DAB1: variants seen among roughly 807,000 people sequenced by gnomAD.
The protein encoded by DAB1 is DAB adaptor protein 1.
In DAB1, 15 loss-of-function variants were observed where a neutral mutation model predicts 64.6. That is an observed-to-expected ratio of 0.23 (90% confidence interval 0.16 to 0.36). The LOEUF is 0.36. DAB1 is among the 10% of genes least tolerant of loss of function. The pLI is 1.00. For missense variants in DAB1, 596 were observed against 706.7 expected (o/e 0.84, Z 1.78); for synonymous variants, 235 against 251.9 (o/e 0.93, Z 0.64).
intron 9 of DAB1, among the ~76,000 whole-genome samples, chr1:57,056,724 C>T (rs1221527702): frequency 4.0e-5 from 6 of 151,620 alleles, no homozygotes; most frequent in East Asian, 1.9e-4. Flanking sequence ...ATTAGCCAGG[C>T]GTAGTGGTGC....
intron 4 of DAB1, among the ~76,000 whole-genome samples, chr1:58,317,489 A>C (rs1388823701): frequency 7.2e-5 from 11 of 152,254 alleles, no homozygotes; most frequent in Non-Finnish European, 1.3e-4. Flanking sequence ...GAAGACAGAG[A>C]GATTCAACTG....
chr1:57,814,961 AG>A (rs1287518916), intron 6 of DAB1, among the ~76,000 whole-genome samples: 1 of 152,220 alleles, frequency 6.6e-6, no homozygotes, highest in Non-Finnish European at 1.5e-5. Context: ...ATGCTGTAGC[AG>A]GGGTTTACAA....
At chr1:58,049,312 CT>C in intron 5 of DAB1, 1 of 667,214 alleles carries the variant, frequency 1.5e-6, no homozygotes. Context: ...AGAAGAGAGA[CT>C]TTAACGATGC....
At chr1:58,317,811 C>T (rs1305741566) in intron 4 of DAB1, among the ~76,000 whole-genome samples, 4 of 152,226 alleles carry the variant, frequency 2.6e-5, no homozygotes, top group African/African-American at 9.6e-5. Context: ...TTTTAAGTTG[C>T]TAAATCTGCG....
chr1:58,538,898 T>C (rs1253050382), intron 1 of DAB1: 4 of 872,878 alleles, frequency 4.6e-6, no homozygotes, highest in South Asian at 1.3e-5. Flanking sequence ...AAATTCCTAA[T>C]AGCTCTTATG....
intron 4 of DAB1, among the ~76,000 whole-genome samples, chr1:57,083,932 C>T (rs1057023797): frequency 6.6e-6 from 1 of 152,144 alleles, no homozygotes. Context: ...AATTGAAGTA[C>T]GAATTAAATG....
intron 1 of DAB1, among the ~76,000 whole-genome samples, chr1:57,852,221 G>C (rs1233724405): frequency 6.6e-6 from 1 of 152,134 alleles, no homozygotes; most frequent in Non-Finnish European, 1.5e-5. Context: ...TGTTCCCTGG[G>C]GGAAAGGAAT....
At chr1:57,798,676 T>C (rs1023139564) in intron 6 of DAB1, among the ~76,000 whole-genome samples, 2 of 152,240 alleles carry the variant, frequency 1.3e-5, no homozygotes, top group African/African-American at 4.8e-5. Flanking sequence ...CTGGTGATGA[T>C]AATGCAGGGA....
chr1:57,991,458 C>G (rs568461953), intron 5 of DAB1, among the ~76,000 whole-genome samples: 110 of 152,244 alleles, frequency 7.2e-4, no homozygotes, highest in African/African-American at 2.6e-3. Context: ...CCTGGGCAAG[C>G]TGGACTCGCA....
intron 5 of DAB1, among the ~76,000 whole-genome samples, chr1:58,022,069 A>G (rs1234391671): frequency 1.3e-5 from 2 of 152,212 alleles, no homozygotes; most frequent in African/African-American, 2.4e-5. Flanking sequence ...TGAGGAACCT[A>G]GACAGATCCC....
chr1:58,103,900 G>A (rs1363062885), intron 5 of DAB1, among the ~76,000 whole-genome samples: 1 of 152,084 alleles, frequency 6.6e-6, no homozygotes, highest in African/African-American at 2.4e-5. Flanking sequence ...CTTCGTGGAG[G>A]TCATGTCTTG....
At chr1:57,661,765 T>C (rs1646389144) in intron 6 of DAB1, among the ~76,000 whole-genome samples, 1 of 152,228 alleles carries the variant, frequency 6.6e-6, no homozygotes, top group South Asian at 2.1e-4. Flanking sequence ...AATAGTTATG[T>C]TGTATTTTAA....
intron 7 of DAB1, among the ~76,000 whole-genome samples, chr1:57,443,691 C>T (rs1406673861): frequency 1.3e-5 from 2 of 152,160 alleles, no homozygotes; most frequent in Non-Finnish European, 2.9e-5. Context: ...TGAAGCTTCC[C>T]TCTGCTTCAT....
chr1:57,985,942 C>G (rs1206235496), intron 5 of DAB1, among the ~76,000 whole-genome samples: 1 of 152,138 alleles, frequency 6.6e-6, no homozygotes, highest in African/African-American at 2.4e-5. Flanking sequence ...ATCCTAACAG[C>G]CCTATGAGAT....
chr1:58,172,625 C>T (rs767589484), intron 4 of DAB1, among the ~76,000 whole-genome samples: 3 of 152,162 alleles, frequency 2.0e-5, no homozygotes, highest in African/African-American at 4.8e-5. Context: ...TTATGCCGCC[C>T]GAGATGATCT....
At chr1:58,250,993 C>T (rs1460904406) in intron 4 of DAB1, among the ~76,000 whole-genome samples, 1 of 152,216 alleles carries the variant, frequency 6.6e-6, no homozygotes, top group African/African-American at 2.4e-5. Context: ...AGTGTGTCGG[C>T]ACTGAAGCAG....
chr1:57,355,106 A>G (rs1287372492), intron 1 of DAB1, among the ~76,000 whole-genome samples: 1 of 151,972 alleles, frequency 6.6e-6, no homozygotes, highest in African/African-American at 2.4e-5. Flanking sequence ...ATGATGCTTA[A>G]ATTAATGTCT....
At chr1:57,703,014 C>T (rs1646924883) in intron 6 of DAB1, among the ~76,000 whole-genome samples, 1 of 152,084 alleles carries the variant, frequency 6.6e-6, no homozygotes, top group Middle Eastern at 3.2e-3. Context: ...GGACCTCTTC[C>T]TTACACCATA....
At chr1:57,508,538 G>C (rs1228039023) in intron 7 of DAB1, among the ~76,000 whole-genome samples, 1 of 152,234 alleles carries the variant, frequency 6.6e-6, no homozygotes, top group Non-Finnish European at 1.5e-5. Flanking sequence ...AAAGTGGCCA[G>C]ATAAATATGT....
Sources: gnomAD v4.1 joint callset for allele counts (sites outside exome capture counted in the v4.1 genomes callset) on GRCh38, gnomAD v4.1.1 for gene constraint, MANE v1.5 for transcripts, NCBI Gene and HGNC (gene_info 2026-07-23, HGNC 2026-07-21) for gene names.